Variants in CAPS2 observed in about 807,000 individuals in gnomAD.
The protein encoded by CAPS2 is calcyphosin-2.
Under a neutral mutation model 86.5 loss-of-function variants are expected in CAPS2, and 98 were observed. The observed-to-expected ratio is 1.13, with a 90% CI of 0.96 to 1.34. The LOEUF is 1.34. Among genes scored for constraint, CAPS2 ranks in the 40% most tolerant of loss-of-function variants. CAPS2 has a pLI of 0.00. For missense variants in CAPS2, 729 were observed against 686.8 expected (o/e 1.06, Z -0.69); for synonymous variants, 210 against 225.1 (o/e 0.93, Z 0.60).
intron 2 of CAPS2, among the ~76,000 whole-genome samples, chr12:75,324,367 C>T (rs2040576860): frequency 6.6e-6 from 1 of 152,138 alleles, no homozygotes; most frequent in African/African-American, 2.4e-5. Flanking sequence ...TTGATTGCTA[C>T]ACATCCTTTA....
intron 16 of CAPS2, among the ~76,000 whole-genome samples, chr12:75,280,910 A>G (rs2033831781): frequency 2.0e-5 from 3 of 151,926 alleles, no homozygotes; most frequent in South Asian, 4.1e-4. Flanking sequence ...CTCTTTTAAT[A>G]GTAAGGAATA....
At chr12:75,379,853 T>TAA (rs35309353) in intron 1 of CAPS2, among the ~76,000 whole-genome samples, 5 of 111,920 alleles carry the variant, frequency 4.5e-5, no homozygotes, top group Admixed American at 9.4e-5. Context: ...TCCCTATCAG[T>TAA]AAAAAAAAAA....
intron 1 of CAPS2, among the ~76,000 whole-genome samples, chr12:75,353,759 C>G (rs772798302): frequency 6.6e-6 from 1 of 152,090 alleles, no homozygotes; most frequent in Admixed American, 6.6e-5. Context: ...ACTGGCAAAC[C>G]AAATCCAGCA....
chr12:75,357,086 A>T (rs1209486460), intron 1 of CAPS2, among the ~76,000 whole-genome samples: 1 of 152,302 alleles, frequency 6.6e-6, no homozygotes, highest in African/African-American at 2.4e-5. Flanking sequence ...GTTACTCAGG[A>T]GGCTGAGGTG....
chr12:75,346,017 A>G (rs1456001142), intron 1 of CAPS2, among the ~76,000 whole-genome samples: 1 of 152,180 alleles, frequency 6.6e-6, no homozygotes, highest in African/African-American at 2.4e-5. Flanking sequence ...ATTTTCTTGC[A>G]CTTATCACCT....
intron 1 of CAPS2, among the ~76,000 whole-genome samples, chr12:75,353,346 A>G (rs930127246): frequency 1.3e-5 from 2 of 152,218 alleles, no homozygotes; most frequent in African/African-American, 2.4e-5. Flanking sequence ...ACAAACAACC[A>G]TCAGAGAATA....
chr12:75,375,777 TG>T (rs1293519138), intron 1 of CAPS2, among the ~76,000 whole-genome samples: 1 of 152,232 alleles, frequency 6.6e-6, no homozygotes, highest in African/African-American at 2.4e-5. Flanking sequence ...ATTGCTGCTT[TG>T]GCTGTGCTGT....
intron 1 of CAPS2, among the ~76,000 whole-genome samples, chr12:75,372,328 A>G (rs143542769): frequency 6.6e-6 from 1 of 152,260 alleles, no homozygotes; most frequent in East Asian, 1.9e-4. Flanking sequence ...TCATCTTGAT[A>G]GTTTAAGTCA....
At chr12:75,306,140 T>A (rs2038461905) in intron 7 of CAPS2, 2 of 1,105,204 alleles carry the variant, frequency 1.8e-6, no homozygotes, top group African/African-American at 3.1e-5. Context: ...CGGAAGCTCA[T>A]CACCGAGGAG....
chr12:75,334,470 T>C (rs2041566005), upstream of CAPS2: 2 of 1,294,616 alleles, frequency 1.5e-6, no homozygotes, highest in African/African-American at 1.5e-5. Context: ...AGAAAGCAGT[T>C]TGGATGGTTG....
At chr12:75,327,708 T>C (rs1003346461), upstream of CAPS2, among the ~76,000 whole-genome samples, 6 of 151,590 alleles carry the variant, frequency 4.0e-5, no homozygotes, top group Admixed American at 3.3e-4. Context: ...AATGTTTCTA[T>C]GTAATATGTA....
intron 1 of CAPS2, among the ~76,000 whole-genome samples, chr12:75,379,425 T>C (rs1035416451): frequency 6.6e-6 from 1 of 152,214 alleles, no homozygotes; most frequent in Non-Finnish European, 1.5e-5. Context: ...GTCTTTTTTA[T>C]TTCTTGTGAT....
intron 1 of CAPS2, among the ~76,000 whole-genome samples, chr12:75,377,754 T>G (rs981128743): frequency 2.6e-5 from 4 of 151,650 alleles, no homozygotes; most frequent in African/African-American, 9.7e-5. Context: ...TTAATCTCCT[T>G]TAGCAACACT....
In CAPS2 at chr12:75,349,680, T is replaced by A. The variant is rs372428077; in HGVS notation, c.-394-26458A>T. ...GAGATTTTTTAGAAGTTAAAATTAA[T>A]GAAATATTAGACATTCCAGAAAAAA... is the stretch of plus-strand genomic sequence containing the variant. On this transcript the variant is annotated intron_variant, in intron 1 of 5. Coordinates refer to the CAPS2 transcript ENST00000551829. 2.6e-5 allele frequency among the ~76,000 whole-genome samples: 4 copies of A among 152,242 alleles called. No homozygotes were observed. The East Asian group carries it at 5.8e-4, about 22-fold the overall frequency.
At chr12:75,383,586 T>C (rs2139830459) in intron 1 of CAPS2, among the ~76,000 whole-genome samples, 2 of 152,272 alleles carry the variant, frequency 1.3e-5, no homozygotes, top group Middle Eastern at 3.4e-3. Context: ...ACTATTATAG[T>C]TGGAGACTTC....
downstream of CAPS2, chr12:75,276,461 T>C: frequency 1.0e-6 from 1 of 979,586 alleles, no homozygotes; most frequent in Non-Finnish European, 1.2e-6. Flanking sequence ...GATTATTAAT[T>C]ACTCTAAGTG....
intron 5 of CAPS2, among the ~76,000 whole-genome samples, chr12:75,319,729 A>G (rs1228111272): frequency 1.3e-5 from 2 of 152,130 alleles, no homozygotes; most frequent in African/African-American, 4.8e-5. Flanking sequence ...CCTGGATCCT[A>G]AATATTTCTA....
intron 16 of CAPS2, among the ~76,000 whole-genome samples, chr12:75,280,672 A>G (rs2033784011): frequency 1.3e-5 from 2 of 152,058 alleles, no homozygotes; most frequent in Middle Eastern, 3.5e-3. Context: ...AGCAACAATT[A>G]AACATACACT....
In CAPS2 at chr12:75,320,975, A is replaced by G. The variant is rs528325565; in HGVS notation, c.468+425T>C. 3.9e-5 allele frequency among the ~76,000 whole-genome samples: 6 copies of G among 152,158 alleles called. No individual in the cohort carries two copies. The South Asian group carries it at 1.2e-3, about 32-fold the overall frequency. On this transcript the variant is annotated intron_variant, in intron 5 of 16. Transcript: ENST00000393284. ...TCCCATAATGAGACAAAAGACAGTA[A>G]TGAAGTGATGGTAGTTTTTGCACAA...
Sources: gnomAD v4.1 joint callset for allele counts (sites outside exome capture counted in the v4.1 genomes callset) on GRCh38, gnomAD v4.1.1 for gene constraint, MANE v1.5 for transcripts, NCBI Gene and HGNC (gene_info 2026-07-23, HGNC 2026-07-21) for gene names.